Variants in DCLK1 observed in about 807,000 individuals in gnomAD.
DCLK1 encodes the protein doublecortin like kinase 1, also known as serine/threonine-protein kinase DCLK1.
A neutral mutation model predicts 86.2 loss-of-function variants in DCLK1; 16 were observed. The ratio of observed to expected loss-of-function variants is 0.19; its 90% CI spans 0.13 to 0.28. The LOEUF (loss-of-function observed/expected upper bound fraction) is 0.28. DCLK1 is among the 10% of genes least tolerant of loss of function. The pLI, the probability that DCLK1 is intolerant of heterozygous loss-of-function variation, is 1.00. For missense variants in DCLK1, 590 were observed against 940.2 expected (o/e 0.63, Z 4.87); for synonymous variants, 369 against 370.5 (o/e 1.00, Z 0.05).
intron 11 of DCLK1, among the ~76,000 whole-genome samples, chr13:35,814,694 A>G (rs545306012): frequency 6.6e-6 from 1 of 152,340 alleles, no homozygotes; most frequent in East Asian, 1.9e-4. Flanking sequence ...AGTACTATAG[A>G]TGTTCCCCCA....
At chr13:35,931,674 T>C (rs928836706) in intron 4 of DCLK1, among the ~76,000 whole-genome samples, 3 of 152,188 alleles carry the variant, frequency 2.0e-5, no homozygotes, top group Admixed American at 1.3e-4. Flanking sequence ...GATAGTGGGG[T>C]AGTCTTAAAA....
intron 3 of DCLK1, among the ~76,000 whole-genome samples, chr13:36,064,096 A>G (rs190053051): frequency 6.6e-6 from 1 of 152,304 alleles, no homozygotes; most frequent in East Asian, 1.9e-4. Context: ...GCCTCACAGT[A>G]TTTGATGAAT....
chr13:35,833,961 G>T (rs150372711), intron 8 of DCLK1, among the ~76,000 whole-genome samples: 1 of 152,302 alleles, frequency 6.6e-6, no homozygotes, highest in African/African-American at 2.4e-5. Context: ...AAGTTAGAAA[G>T]AAACAAATTG....
At chr13:35,802,757 T>A (rs748688026) in intron 15 of DCLK1, among the ~76,000 whole-genome samples, 11 of 152,092 alleles carry the variant, frequency 7.2e-5, no homozygotes, top group African/African-American at 2.4e-4. Flanking sequence ...TTAAGCATCA[T>A]TAAAAAAAAG....
intron 3 of DCLK1, among the ~76,000 whole-genome samples, chr13:35,963,422 G>A: frequency 6.6e-6 from 1 of 152,148 alleles, no homozygotes; most frequent in Non-Finnish European, 1.5e-5. Context: ...GACATAATAG[G>A]AAGCTTTGCT....
intron 3 of DCLK1, among the ~76,000 whole-genome samples, chr13:36,078,171 A>G (rs1232094626): frequency 1.3e-5 from 2 of 152,204 alleles, no homozygotes. Context: ...CCATGTGAGG[A>G]CAGAGCAAAC....
At chr13:35,884,326 CAACT>C (rs1873099102) in intron 4 of DCLK1, among the ~76,000 whole-genome samples, 1 of 151,954 alleles carries the variant, frequency 6.6e-6, no homozygotes, top group Non-Finnish European at 1.5e-5. Flanking sequence ...CAAAAACAAC[CAACT>C]ATTATCCTGA....
At chr13:35,919,679 G>A (rs923326922) in intron 4 of DCLK1, among the ~76,000 whole-genome samples, 1 of 152,062 alleles carries the variant, frequency 6.6e-6, no homozygotes, top group African/African-American at 2.4e-5. Context: ...AGTTTACCTT[G>A]GCTGGGAGCG....
chr13:36,066,259 A>G (rs117421946), intron 3 of DCLK1, among the ~76,000 whole-genome samples: 2,306 of 152,230 alleles, frequency 0.015, 24 homozygotes, highest in Non-Finnish European at 0.026. Flanking sequence ...CTAGAAATCA[A>G]CCCAGGGCTT....
chr13:35,996,773 C>G (rs1880497768), intron 3 of DCLK1, among the ~76,000 whole-genome samples: 1 of 152,178 alleles, frequency 6.6e-6, no homozygotes, highest in African/African-American at 2.4e-5. Context: ...CACCACTTAT[C>G]TGAAGGGTAT....
At chr13:35,901,491 C>CAAAA (rs58801666) in intron 4 of DCLK1, among the ~76,000 whole-genome samples, 4,398 of 45,870 alleles carry the variant, frequency 0.096, 1,364 homozygotes, top group East Asian at 0.2. Context: ...GACTCTGTCT[C>CAAAA]AAAAAAAAAA....
At chr13:36,063,008 G>C (rs1566665349) in intron 3 of DCLK1, among the ~76,000 whole-genome samples, 1 of 152,078 alleles carries the variant, frequency 6.6e-6, no homozygotes, top group Non-Finnish European at 1.5e-5. Context: ...ATGTCCTTTG[G>C]TTGCTTGCAT....
In DCLK1 at chr13:35,808,338, A is replaced by G; in HGVS notation, c.1767-18T>C. On this transcript the variant is annotated intron_variant, in intron 13 of 16. Coordinates refer to ENST00000360631, the MANE Select transcript of DCLK1 (RefSeq NM_001330071.2). Reference sequence around the variant, plus strand: ...CACCACTTCTGTTTAGGTGAACGACAACAAGGAAAAACAGCACTAAGATAT... The same window carrying G: ...CACCACTTCTGTTTAGGTGAACGACGACAAGGAAAAACAGCACTAAGATAT... 1 of 1,599,958 alleles carries G rather than the reference A, an allele frequency of 6.3e-7. No homozygotes were observed. Among genetic ancestry groups the G allele is most frequent in the Non-Finnish European group, 8.6e-7 (1 of 1,167,166 alleles).
At chr13:36,111,717 T>C (rs1200790188) in intron 3 of DCLK1, 152 bp downstream of exon 3, 2 of 592,004 alleles carry the variant, frequency 3.4e-6, no homozygotes, top group Admixed American at 3.1e-5. Flanking sequence ...CTCAAACTTC[T>C]GACTGTTCTA....
chr13:35,798,090 A>C (rs2086847946), intron 15 of DCLK1, among the ~76,000 whole-genome samples: 1 of 152,172 alleles, frequency 6.6e-6, no homozygotes, highest in East Asian at 1.9e-4. Flanking sequence ...CCCATCCACC[A>C]CTTGGCAGAG....
chr13:36,111,103 G>A (rs1301498383), intron 3 of DCLK1, among the ~76,000 whole-genome samples: 9 of 151,856 alleles, frequency 5.9e-5, no homozygotes, highest in Non-Finnish European at 5.9e-5. Context: ...CAAAGTGCTG[G>A]GATTACAGGC....
At chr13:35,894,890 A>C (rs1236111048) in intron 4 of DCLK1, among the ~76,000 whole-genome samples, 7 of 151,988 alleles carry the variant, frequency 4.6e-5, no homozygotes, top group Non-Finnish European at 1.5e-5. Context: ...CAAAAGACTG[A>C]CTCCAAACTG....
chr13:35,999,213 C>G (rs529570422), intron 3 of DCLK1, among the ~76,000 whole-genome samples: 2 of 152,020 alleles, frequency 1.3e-5, no homozygotes, highest in East Asian at 3.9e-4. Context: ...CGAGATCATG[C>G]CACTGCACTC....
intron 3 of DCLK1, among the ~76,000 whole-genome samples, chr13:35,995,939 CT>C (rs35413666): frequency 6.6e-6 from 1 of 151,776 alleles, no homozygotes; most frequent in Non-Finnish European, 1.5e-5. Context: ...TTTATTATTT[CT>C]TTTTTTTAAT....
Sources: gnomAD v4.1 joint callset for allele counts (sites outside exome capture counted in the v4.1 genomes callset) on GRCh38, gnomAD v4.1.1 for gene constraint, MANE v1.5 for transcripts, NCBI Gene and HGNC (gene_info 2026-07-23, HGNC 2026-07-21) for gene names.